EPM2A: variants seen among roughly 807,000 people sequenced by gnomAD.
The protein encoded by EPM2A is laforin.
EPM2A carries 21 observed loss-of-function variants against 26.5 expected under a neutral mutation model. The ratio of observed to expected loss-of-function variants is 0.79; its 90% CI spans 0.56 to 1.14. EPM2A has a LOEUF of 1.14. EPM2A is among the 50% of genes most tolerant of loss of function. The pLI is 0.00. For synonymous variants in EPM2A, 217 were observed against 177.6 expected (o/e 1.22, Z -1.76); for missense variants, 458 against 440.8 (o/e 1.04, Z -0.35).
rs702322 is a variant in EPM2A, at chr6:145,686,030, G to A, written c.476+92C>T. The A allele has an allele frequency of 0.69, 774,974 of 1,126,908 alleles. 269,478 individuals are homozygous for A. Among genetic ancestry groups the A allele is most frequent in the Admixed American group, 0.82 (44,171 of 53,560 alleles). 69.8% of individuals were successfully genotyped at this position (1,126,908 alleles called of 1,614,324 possible). On this transcript the variant is annotated intron_variant, in intron 2 of 3. Coordinates refer to ENST00000367519, the MANE Select transcript of EPM2A (RefSeq NM_005670.4). ...GGCCTATAGACCCCTCCCAAGTGAG[G>A]CACTGCAGTTTCGAACACAGTAAAT...
chr6:145,663,729 G>A (rs1352202416), intron 2 of EPM2A, among the ~76,000 whole-genome samples: 1 of 132,112 alleles, frequency 7.6e-6, no homozygotes, highest in African/African-American at 2.9e-5. Flanking sequence ...CACCAAAGTT[G>A]AAATGAAGGA....
intron 2 of EPM2A, among the ~76,000 whole-genome samples, chr6:145,675,303 A>C (rs1415439801): frequency 6.6e-6 from 1 of 152,254 alleles, no homozygotes; most frequent in African/African-American, 2.4e-5. Flanking sequence ...CATGGAAAGG[A>C]ACAACTGTTA....
At chr6:145,536,796 G>A (rs1199861176) in intron 2 of EPM2A, among the ~76,000 whole-genome samples, 1 of 152,170 alleles carries the variant, frequency 6.6e-6, no homozygotes, top group Non-Finnish European at 1.5e-5. Context: ...AATGAGAAAA[G>A]TAAAGGCTAT....
At chr6:145,652,964 C>A (rs1200795061) in intron 2 of EPM2A, among the ~76,000 whole-genome samples, 1 of 152,188 alleles carries the variant, frequency 6.6e-6, no homozygotes, top group Non-Finnish European at 1.5e-5. Flanking sequence ...CTTTCCAAGT[C>A]TTTATCTATA....
At chr6:145,662,490 A>C (rs1353408722) in intron 2 of EPM2A, among the ~76,000 whole-genome samples, 1 of 152,162 alleles carries the variant, frequency 6.6e-6, no homozygotes, top group Non-Finnish European at 1.5e-5. Flanking sequence ...GGTAAGGTAA[A>C]CTTAGGATTG....
chr6:145,721,767 A>G (rs1200446977), intron 1 of EPM2A: 3 of 152,236 alleles, frequency 2.0e-5, no homozygotes, highest in Admixed American at 6.5e-5. Context: ...AAAAATCTCT[A>G]TCAGATGCCT....
intron 1 of EPM2A, among the ~76,000 whole-genome samples, chr6:145,728,430 T>A (rs1583139182): frequency 6.6e-6 from 1 of 152,112 alleles, no homozygotes; most frequent in African/African-American, 2.4e-5. Context: ...GCTGAGGTGG[T>A]CTCAGCTAGA....
chr6:145,407,838 T>A (rs1778590631), intron 4 of EPM2A, among the ~76,000 whole-genome samples: 1 of 152,202 alleles, frequency 6.6e-6, no homozygotes, highest in Non-Finnish European at 1.5e-5. Context: ...AATGATACTG[T>A]CAGTTTGACT....
chr6:145,734,950 G>A (rs1255953210), intron 1 of EPM2A: 2 of 280,360 alleles, frequency 7.1e-6, no homozygotes, highest in Non-Finnish European at 1.3e-5. Flanking sequence ...GAGTGGGCGG[G>A]AAGGCGGCCG....
chr6:145,695,767 T>A (rs936113805), intron 1 of EPM2A, among the ~76,000 whole-genome samples: 1 of 152,020 alleles, frequency 6.6e-6, no homozygotes, highest in Non-Finnish European at 1.5e-5. Flanking sequence ...ACATCTAACA[T>A]AGTAGCTCCT....
At chr6:145,676,874 T>C (rs7759254) in intron 2 of EPM2A, among the ~76,000 whole-genome samples, 10,146 of 152,196 alleles carry the variant, frequency 0.067, 1,135 homozygotes, top group African/African-American at 0.23. Context: ...GTATCATTCC[T>C]TCTGAAACTA....
At chr6:145,459,954 G>A (rs759988709) in intron 4 of EPM2A, among the ~76,000 whole-genome samples, 3 of 152,086 alleles carry the variant, frequency 2.0e-5, no homozygotes, top group South Asian at 4.1e-4. Context: ...CAGAGGTCCA[G>A]ACCAGTTAGT....
At chr6:145,649,603 A>G (rs1777729497) in intron 2 of EPM2A, among the ~76,000 whole-genome samples, 1 of 152,220 alleles carries the variant, frequency 6.6e-6, no homozygotes, top group African/African-American at 2.4e-5. Flanking sequence ...CCTGGACCAC[A>G]TGACTGGTAT....
At chr6:145,612,706 ATAT>A (rs1374595491) in intron 2 of EPM2A, among the ~76,000 whole-genome samples, 1 of 148,080 alleles carries the variant, frequency 6.8e-6, no homozygotes, top group Non-Finnish European at 1.5e-5. Context: ...TAAGAGTACA[ATAT>A]TATTTATATA....
intron 2 of EPM2A, among the ~76,000 whole-genome samples, chr6:145,659,412 T>A (rs185826456): frequency 6.6e-6 from 1 of 152,312 alleles, no homozygotes; most frequent in East Asian, 1.9e-4. Flanking sequence ...ACAGTATAAT[T>A]ATTGAAAAGA....
intron 1 of EPM2A, among the ~76,000 whole-genome samples, chr6:145,689,987 A>C (rs1440996266): frequency 6.6e-6 from 1 of 152,124 alleles, no homozygotes; most frequent in Non-Finnish European, 1.5e-5. Flanking sequence ...CCCGACCATC[A>C]GTGGATGCCA....
At chr6:145,676,031 G>C (rs1449819475) in intron 2 of EPM2A, among the ~76,000 whole-genome samples, 1 of 152,162 alleles carries the variant, frequency 6.6e-6, no homozygotes, top group Non-Finnish European at 1.5e-5. Context: ...TGGAAGTAAA[G>C]CATTCCTCAG....
At chr6:145,435,218 G>C (rs1778974400) in intron 4 of EPM2A, among the ~76,000 whole-genome samples, 1 of 152,070 alleles carries the variant, frequency 6.6e-6, no homozygotes, top group East Asian at 1.9e-4. Flanking sequence ...GAAGCAATAT[G>C]AAGTATAAGG....
In EPM2A at chr6:145,648,533, AG is replaced by A. The variant is rs1777651872; in HGVS notation, c.477-13048del. Among the ~76,000 whole-genome samples, 5 of 152,376 alleles carry A rather than the reference AG, an allele frequency of 3.3e-5. No individual in the cohort carries two copies. In the South Asian group the frequency reaches 1.0e-3, roughly 32 times the overall value. ...TATTTTAAATGTTAGCTGTTAACGC[AG>A]GTGGACAAGTTGAGTAGTAATGACA... On this transcript the variant is annotated intron_variant, in intron 2 of 3. Coordinates refer to ENST00000367519, the MANE Select transcript of EPM2A (RefSeq NM_005670.4).
Sources: gnomAD v4.1 joint callset for allele counts (sites outside exome capture counted in the v4.1 genomes callset) on GRCh38, gnomAD v4.1.1 for gene constraint, MANE v1.5 for transcripts, NCBI Gene and HGNC (gene_info 2026-07-23, HGNC 2026-07-21) for gene names.